Variants in ANK1 observed in about 807,000 individuals in gnomAD.
ANK1 encodes ankyrin-1.
ANK1 carries 51 observed loss-of-function variants against 210.4 expected under a neutral mutation model. The ratio of observed to expected loss-of-function variants is 0.24; its 90% CI spans 0.19 to 0.31. The LOEUF (loss-of-function observed/expected upper bound fraction) is 0.31. ANK1 is among the 10% of genes least tolerant of loss of function. The pLI is 1.00. For missense variants in ANK1, 2,051 were observed against 2,504.4 expected (o/e 0.82, Z 3.86); for synonymous variants, 967 against 1,025.9 (o/e 0.94, Z 1.10).
Position 41,663,743 on chromosome 8 carries a change from C to G in ANK1, c.5395-1G>C. ...CTGGAATATTCTGAAACTCATTCCC[C>G]TGGAATTAGAGAAAGGGAGAAAATG... On this transcript the variant is annotated splice_acceptor_variant, in intron 39 of 42. Coordinates refer to ENST00000289734, the MANE Select transcript of ANK1 (RefSeq NM_000037.4). LOFTEE classifies it high-confidence loss of function. The G allele has an allele frequency of 1.2e-6, 2 of 1,612,580 alleles. No individual in the cohort carries two copies. The highest frequency in any genetic ancestry group is 1.7e-6 in the Non-Finnish European group (2 of 1,178,598).
intron 2 of ANK1, among the ~76,000 whole-genome samples, chr8:41,744,850 T>C (rs1835697669): frequency 6.6e-6 from 1 of 152,194 alleles, no homozygotes; most frequent in Non-Finnish European, 1.5e-5. Context: ...ATGATTTCTA[T>C]GGTATTCCTG....
In ANK1 at chr8:41,815,429, G is replaced by A. The variant is rs149752246; in HGVS notation, c.127-57292C>T. On this transcript the variant is annotated intron_variant, in intron 1 of 42. Transcript: ENST00000265709. ...GATATTAAGACTCATTTTAAAAACC[G>A]TTATAATAAATGTATTCCATTTTAG... is the stretch of plus-strand genomic sequence containing the variant. Among the ~76,000 whole-genome samples, 914 of 152,138 alleles carry A rather than the reference G, an allele frequency of 6.0e-3. 1 individual carries two copies. Among genetic ancestry groups the A allele is most frequent in the African/African-American group, 0.011 (439 of 41,530 alleles).
At chr8:41,658,130 A>C (rs1242327582) in intron 42 of ANK1, among the ~76,000 whole-genome samples, 1 of 152,150 alleles carries the variant, frequency 6.6e-6, no homozygotes, top group African/African-American at 2.4e-5. Flanking sequence ...TCAGCCTCCC[A>C]AAGTGCTGGG....
intron 2 of ANK1, among the ~76,000 whole-genome samples, chr8:41,734,408 C>T (rs1250927048): frequency 6.6e-6 from 1 of 152,198 alleles, no homozygotes; most frequent in Non-Finnish European, 1.5e-5. Context: ...AATGATGTAG[C>T]TTCAACCCCT....
chr8:41,688,182 G>A lies in ANK1; in HGVS notation c.4232C>T (p.Ser1411Leu), dbSNP rs1302322996. ...TGCCCAGCTGAGACCGAGGTGCTCT[G>A]AGATAACAGCCATCTTCATCTCTGC... is the stretch of plus-strand genomic sequence containing the variant. Reference protein sequence around the residue: ...EQAEMKMAVISEHLGLSWAEL... With the variant: ...EQAEMKMAVILEHLGLSWAEL... Residue 1411 changes from serine (S) to leucine (L), a missense_variant, in exon 35 of 43, where the codon TCA becomes TTA. Transcript: ENST00000289734. The A allele has an allele frequency of 6.2e-7, 1 of 1,614,250 alleles. No individual in the cohort carries two copies. The highest frequency in any genetic ancestry group is 1.7e-5 in the Admixed American group (1 of 60,034).
chr8:41,806,809 C>T (rs568614842), intron 1 of ANK1, among the ~76,000 whole-genome samples: 166 of 152,290 alleles, frequency 1.1e-3, no homozygotes, highest in Middle Eastern at 3.4e-3. Flanking sequence ...CGATGGTTTT[C>T]CATGACGATT....
At chr8:41,712,979 G>C (rs1460911369) in intron 16 of ANK1, among the ~76,000 whole-genome samples, 38 of 152,196 alleles carry the variant, frequency 2.5e-4, no homozygotes, top group Admixed American at 2.5e-3. Flanking sequence ...AGGGACAGGA[G>C]GAGACAGCTG....
At chr8:41,800,053 C>T (rs759767396), upstream of ANK1, among the ~76,000 whole-genome samples, 1 of 152,098 alleles carries the variant, frequency 6.6e-6, no homozygotes, top group Non-Finnish European at 1.5e-5. Context: ...TTGTTTCCCT[C>T]GAGTCTCTGA....
chr8:41,822,172 AAG>A (rs1259091708), intron 1 of ANK1, among the ~76,000 whole-genome samples: 49 of 149,618 alleles, frequency 3.3e-4, no homozygotes, highest in African/African-American at 1.0e-3. Context: ...GAAAGAAAGA[AAG>A]AAAGAAAGAA....
At chr8:41,804,078 C>A (rs1008838090) in intron 1 of ANK1, among the ~76,000 whole-genome samples, 1 of 152,200 alleles carries the variant, frequency 6.6e-6, no homozygotes, top group Non-Finnish European at 1.5e-5. Context: ...AATTCAGGGG[C>A]AGCTCATCTG....
At chr8:41,811,478 C>T (rs905957471) in intron 1 of ANK1, among the ~76,000 whole-genome samples, 2 of 152,176 alleles carry the variant, frequency 1.3e-5, no homozygotes, top group Non-Finnish European at 2.9e-5. Flanking sequence ...GCCATTGCCC[C>T]GCGACTCCCA....
chr8:41,840,380 TC>T (rs1808651106), intron 1 of ANK1: 1 of 152,258 alleles, frequency 6.6e-6, no homozygotes, highest in Non-Finnish European at 1.5e-5. Context: ...AAATATATAC[TC>T]ATTAATGATA....
At chr8:41,666,318 C>G (rs1223369533) in intron 39 of ANK1, among the ~76,000 whole-genome samples, 1 of 152,230 alleles carries the variant, frequency 6.6e-6, no homozygotes, top group African/African-American at 2.4e-5. Flanking sequence ...CAAGGAGGTT[C>G]TATCGTCTTC....
intron 1 of ANK1, among the ~76,000 whole-genome samples, chr8:41,837,384 C>A (rs1210716001): frequency 1.3e-5 from 2 of 152,128 alleles, no homozygotes; most frequent in Non-Finnish European, 2.9e-5. Context: ...GCGCTGTGGT[C>A]CTTTTGCTCA....
intron 3 of ANK1, among the ~76,000 whole-genome samples, chr8:41,729,260 A>G (rs1831498186): frequency 6.6e-6 from 1 of 152,258 alleles, no homozygotes; most frequent in Admixed American, 6.5e-5. Context: ...ATCCAAGAGG[A>G]GAGAAAAACT....
At chr8:41,866,409 G>C (rs990016696) in intron 1 of ANK1, among the ~76,000 whole-genome samples, 1 of 152,074 alleles carries the variant, frequency 6.6e-6, no homozygotes, top group Admixed American at 6.5e-5. Flanking sequence ...GCCCAGGCTG[G>C]TCTTGAATTC....
intron 1 of ANK1, among the ~76,000 whole-genome samples, chr8:41,766,272 AG>A (rs1426255249): frequency 6.6e-6 from 1 of 152,102 alleles, no homozygotes; most frequent in Non-Finnish European, 1.5e-5. Flanking sequence ...CTGGGGTATG[AG>A]GAAAGACAGC....
chr8:41,881,006 G>A (rs993808061), intron 1 of ANK1, among the ~76,000 whole-genome samples: 2 of 152,256 alleles, frequency 1.3e-5, no homozygotes, highest in Non-Finnish European at 2.9e-5. Context: ...TTGCTCATAA[G>A]GGCTGGGATT....
chr8:41,781,890 G>A (rs1022760873), intron 1 of ANK1, among the ~76,000 whole-genome samples: 14 of 152,156 alleles, frequency 9.2e-5, no homozygotes, highest in South Asian at 2.1e-4. Flanking sequence ...AGCACCCTGC[G>A]TGAGGGCTGG....
Sources: allele counts gnomAD v4.1 joint callset (sites outside exome capture counted in the v4.1 genomes callset), GRCh38; gene constraint gnomAD v4.1.1; transcripts MANE v1.5; gene names NCBI Gene and HGNC (gene_info 2026-07-23, HGNC 2026-07-21).